Variants in FHIT observed in about 807,000 individuals in gnomAD.
FHIT encodes bis(5'-adenosyl)-triphosphatase.
In FHIT, 19 loss-of-function variants were observed where a neutral mutation model predicts 17.9. The observed-to-expected ratio is 1.06, with a 90% CI of 0.74 to 1.56. The LOEUF is 1.56. FHIT is among the 40% of genes most tolerant of loss of function. FHIT has a pLI of 0.00. For synonymous variants in FHIT, 81 were observed against 69.7 expected (o/e 1.16, Z -0.81); for missense variants, 248 against 189.2 (o/e 1.31, Z -1.82).
intron 2 of FHIT, among the ~76,000 whole-genome samples, chr3:61,097,050 G>T (rs1455835838): frequency 6.7e-5 from 9 of 134,674 alleles, no homozygotes; most frequent in African/African-American, 2.6e-4. Flanking sequence ...ATGCACTTCA[G>T]CCTAGGCAAC....
At chr3:60,564,085 C>T (rs1470529127) in intron 4 of FHIT, among the ~76,000 whole-genome samples, 1 of 152,114 alleles carries the variant, frequency 6.6e-6, no homozygotes, top group Admixed American at 6.6e-5. Flanking sequence ...CAGATGGTGA[C>T]TTTAAGTTGA....
chr3:60,708,329 T>C (rs1346734675), intron 4 of FHIT, among the ~76,000 whole-genome samples: 1 of 152,108 alleles, frequency 6.6e-6, no homozygotes, highest in East Asian at 1.9e-4. Flanking sequence ...AACCATTACA[T>C]GGAAAGAAGA....
chr3:60,382,673 A>G (rs1291423303), intron 5 of FHIT, among the ~76,000 whole-genome samples: 7 of 152,202 alleles, frequency 4.6e-5, no homozygotes, highest in Non-Finnish European at 7.3e-5. Context: ...GATAGAACCC[A>G]ATAATCTAAT....
intron 5 of FHIT, among the ~76,000 whole-genome samples, chr3:60,452,883 GT>G (rs2031840021): frequency 6.6e-6 from 1 of 152,136 alleles, no homozygotes; most frequent in African/African-American, 2.4e-5. Context: ...AAATGTAAGT[GT>G]CTTCAACAAT....
intron 8 of FHIT, among the ~76,000 whole-genome samples, chr3:59,866,721 G>T (rs1702668693): frequency 6.6e-6 from 1 of 152,142 alleles, no homozygotes; most frequent in East Asian, 1.9e-4. Flanking sequence ...GTGGTATGTG[G>T]GGAGGGAGGA....
intron 2 of FHIT, among the ~76,000 whole-genome samples, chr3:61,139,606 G>A (rs191146847): frequency 6.6e-6 from 1 of 151,894 alleles, no homozygotes; most frequent in East Asian, 1.9e-4. Flanking sequence ...GTAGAAGTAG[G>A]CTGGAAAATA....
chr3:60,571,191 C>A lies in FHIT; in HGVS notation c.-17-34212G>T, dbSNP rs1347670806. On this transcript the variant is annotated intron_variant, in intron 4 of 9. Transcript: ENST00000492590. ...TCTCTACTAAAAATACAAAAATTAG[C>A]CAGGCTTGGTGATGTGCGCCTGTAA... Among the ~76,000 whole-genome samples, 3 of 151,794 alleles carry A rather than the reference C, an allele frequency of 2.0e-5. No homozygotes were observed. The East Asian group carries it at 5.9e-4, about 30-fold the overall frequency.
chr3:60,953,951 C>T (rs943970684), intron 3 of FHIT, among the ~76,000 whole-genome samples: 12 of 152,170 alleles, frequency 7.9e-5, no homozygotes, highest in East Asian at 7.7e-4. Context: ...AAATCAACCA[C>T]GAAGGATAAA....
chr3:60,241,205 C>G (rs1373210125), intron 5 of FHIT, among the ~76,000 whole-genome samples: 2 of 152,064 alleles, frequency 1.3e-5, no homozygotes, highest in Non-Finnish European at 2.9e-5. Context: ...TTCCTAAATT[C>G]TGTCATAATT....
intron 8 of FHIT, among the ~76,000 whole-genome samples, chr3:59,838,158 C>G (rs918217118): frequency 6.6e-6 from 1 of 152,106 alleles, no homozygotes; most frequent in Non-Finnish European, 1.5e-5. Context: ...CTAGCACAGG[C>G]CTTCCTCGCT....
At chr3:60,960,455 G>T (rs940124188) in intron 3 of FHIT, among the ~76,000 whole-genome samples, 10 of 152,148 alleles carry the variant, frequency 6.6e-5, no homozygotes, top group African/African-American at 2.2e-4. Flanking sequence ...TAAGTTCTAG[G>T]GTACATGTGC....
chr3:60,253,509 T>A (rs1026978715), intron 5 of FHIT, among the ~76,000 whole-genome samples: 4 of 152,138 alleles, frequency 2.6e-5, no homozygotes, highest in African/African-American at 4.8e-5. Flanking sequence ...AAATTGCAAA[T>A]GGCATGGAAA....
At chr3:61,054,834 A>C (rs1371387447) in intron 2 of FHIT, among the ~76,000 whole-genome samples, 1 of 152,078 alleles carries the variant, frequency 6.6e-6, no homozygotes, top group Non-Finnish European at 1.5e-5. Context: ...TATAGCCAGG[A>C]TTACTCTTTC....
intron 4 of FHIT, among the ~76,000 whole-genome samples, chr3:60,662,300 T>C (rs1338975136): frequency 6.6e-6 from 1 of 152,166 alleles, no homozygotes; most frequent in Non-Finnish European, 1.5e-5. Context: ...ATAGGGTGTC[T>C]GTTCCCCACT....
chr3:61,092,736 T>G (rs2035524595), intron 2 of FHIT, among the ~76,000 whole-genome samples: 1 of 152,204 alleles, frequency 6.6e-6, no homozygotes, highest in Non-Finnish European at 1.5e-5. Flanking sequence ...AAGATGATAT[T>G]TATGCTCATA....
At chr3:61,173,428 T>A (rs1284413036) in intron 2 of FHIT, among the ~76,000 whole-genome samples, 1 of 152,230 alleles carries the variant, frequency 6.6e-6, no homozygotes, top group African/African-American at 2.4e-5. Context: ...GTGTGTGTGT[T>A]GTTTCTAAAG....
chr3:60,058,101 G>T (rs1378606096), intron 5 of FHIT, among the ~76,000 whole-genome samples: 1 of 150,520 alleles, frequency 6.6e-6, no homozygotes, highest in Non-Finnish European at 1.5e-5. Flanking sequence ...GGGGAATAGG[G>T]AGTTATTGTA....
intron 4 of FHIT, among the ~76,000 whole-genome samples, chr3:60,632,339 A>T (rs1253022208): frequency 6.6e-6 from 1 of 152,164 alleles, no homozygotes; most frequent in Admixed American, 6.5e-5. Flanking sequence ...CTTTTAGCAC[A>T]TGCTGTGTTT....
At chr3:61,108,623 C>T (rs887194143) in intron 2 of FHIT, among the ~76,000 whole-genome samples, 7 of 152,174 alleles carry the variant, frequency 4.6e-5, no homozygotes, top group Admixed American at 2.0e-4. Flanking sequence ...TCATCAAGGC[C>T]TTTAGATATT....
Sources: allele counts gnomAD v4.1 joint callset (sites outside exome capture counted in the v4.1 genomes callset), GRCh38; gene constraint gnomAD v4.1.1; transcripts MANE v1.5; gene names NCBI Gene and HGNC (gene_info 2026-07-23, HGNC 2026-07-21).